ARHGEF11: variants seen among roughly 807,000 people sequenced by gnomAD.
The protein encoded by ARHGEF11 is Rho guanine nucleotide exchange factor 11.
ARHGEF11 carries 55 observed loss-of-function variants against 193.7 expected under a neutral mutation model. The observed-to-expected ratio is 0.28, with a 90% CI of 0.23 to 0.36. ARHGEF11 has a LOEUF of 0.36. ARHGEF11 is among the 10% of genes least tolerant of loss of function. The pLI is 1.00. For synonymous variants in ARHGEF11, 693 were observed against 768.0 expected (o/e 0.90, Z 1.62); for missense variants, 1,723 against 2,005.6 (o/e 0.86, Z 2.69).
intron 1 of ARHGEF11, among the ~76,000 whole-genome samples, chr1:157,017,523 T>C (rs1669405853): frequency 6.6e-6 from 1 of 151,860 alleles, no homozygotes; most frequent in Non-Finnish European, 1.5e-5. Context: ...CTGGCTAACA[T>C]GGTGAAACCT....
rs570498171 is a variant in ARHGEF11 at position 156,986,240 on chromosome 1, A to C, written c.33-67T>G. 3.6e-6 allele frequency: 5 copies of C among 1,376,742 alleles called. No individual in the cohort carries two copies. In the South Asian group the frequency reaches 6.0e-5, roughly 16 times the overall value. The allele number at this position is 1,376,742 out of a possible 1,614,324, so 85.3% of individuals were successfully genotyped here. On this transcript the variant is annotated intron_variant, in intron 1 of 40. Transcript: ENST00000368194. ...GGGGGATCAGCCTTGTAGTAGATGGAGGCTCTGTCAAAAGGGGCCCTGAGT... is the reference window on the plus strand; with the variant it reads ...GGGGGATCAGCCTTGTAGTAGATGGCGGCTCTGTCAAAAGGGGCCCTGAGT...
At position 156,936,728 on chromosome 1, in the gene ARHGEF11, C is replaced by T. The variant is rs192474134; in HGVS notation, c.4630+88G>A. On this transcript the variant is annotated intron_variant, in intron 40 of 40. Coordinates refer to ENST00000368194, the MANE Select transcript of ARHGEF11 (RefSeq NM_198236.3). ...AAGGGGAAACCACTCTCAGAACCACCATCTCTCACTGCTTAGTGATGTGTC... is the reference window on the plus strand; with the variant it reads ...AAGGGGAAACCACTCTCAGAACCACTATCTCTCACTGCTTAGTGATGTGTC... 8 of 1,416,226 alleles carry T rather than the reference C, an allele frequency of 5.6e-6. No individual in the cohort carries two copies. In the Admixed American group the frequency reaches 1.5e-4, roughly 27 times the overall value. 87.7% of individuals were successfully genotyped at this position (1,416,226 alleles called of 1,614,324 possible).
In ARHGEF11 at chr1:156,948,492, G is replaced by C. The variant is rs1217329616; in HGVS notation, c.1932C>G (p.Arg644=). 1 of 1,614,230 alleles carries C rather than the reference G, an allele frequency of 6.2e-7. No homozygotes were observed. The highest frequency in any genetic ancestry group is 1.1e-5 in the South Asian group (1 of 91,092). Residue 644 remains arginine, a synonymous_variant, in exon 23 of 41, where the codon CGC becomes CGG. Transcript: ENST00000368194. The surrounding 1 kb of genome is among the most constrained non-coding windows in gnomAD (Gnocchi z 4.2). ...CAGAGCGGCCCAGGCGAATCTCTGAGCGTGAACTGGGGGGAAGGGACAAAA... is the reference window on the plus strand; with the variant it reads ...CAGAGCGGCCCAGGCGAATCTCTGACCGTGAACTGGGGGGAAGGGACAAAA... ...PEDLLESDSS[R]SEIRLGRSES...
In ARHGEF11 at chr1:156,948,238, G is replaced by A. The variant is rs925170400; in HGVS notation, c.2106-10C>T. On this transcript the variant is annotated splice_polypyrimidine_tract_variant and intron_variant, in intron 23 of 40. Coordinates refer to ENST00000368194, the MANE Select transcript of ARHGEF11 (RefSeq NM_198236.3). This position sits in a 1 kb window ranked among gnomAD's most constrained non-coding sequence, Gnocchi z 4.2. ...TGGGTTCTCAAGAGACCTGTGGAGG[G>A]AATGTCAACTCTCAGCAACCCTCTA... The A allele has an allele frequency of 4.4e-6, 7 of 1,593,758 alleles. No individual in the cohort carries two copies. Among genetic ancestry groups the A allele is most frequent in the Non-Finnish European group, 5.1e-6 (6 of 1,166,588 alleles).
intron 1 of ARHGEF11, among the ~76,000 whole-genome samples, chr1:157,028,948 C>T (rs969956399): frequency 2.0e-5 from 3 of 151,984 alleles, no homozygotes; most frequent in Non-Finnish European, 2.9e-5. Flanking sequence ...GGGTGGAGTG[C>T]TTGAGTCCAG....
chr1:156,966,258 T>G (rs569741867), intron 11 of ARHGEF11, among the ~76,000 whole-genome samples: 2 of 152,344 alleles, frequency 1.3e-5, no homozygotes, highest in Admixed American at 1.3e-4. Context: ...ACTCAGTGAT[T>G]AACAGGCTCC....
intron 1 of ARHGEF11, among the ~76,000 whole-genome samples, chr1:157,012,864 C>T (rs1331855158): frequency 1.3e-5 from 2 of 152,118 alleles, no homozygotes; most frequent in African/African-American, 4.8e-5. Context: ...CATTTCTTGG[C>T]CATTCATTCA....
chr1:156,936,493 A>ATAT (rs1481502478), intron 40 of ARHGEF11, among the ~76,000 whole-genome samples: 111 of 62,340 alleles, frequency 1.8e-3, no homozygotes, highest in Non-Finnish European at 2.6e-3. Context: ...AAAAAAAAAA[A>ATAT]AAAAATATAT....
intron 10 of ARHGEF11, among the ~76,000 whole-genome samples, chr1:156,968,595 A>C (rs959822014): frequency 3.9e-5 from 6 of 152,250 alleles, no homozygotes; most frequent in South Asian, 2.1e-4. Context: ...TGGACAGGGC[A>C]GTAAGAAAAT....
At chr1:156,937,164 G>T in intron 39 of ARHGEF11, 85 bp downstream of exon 39, 1 of 1,591,308 alleles carries the variant, frequency 6.3e-7, no homozygotes, top group Admixed American at 1.7e-5. Context: ...TAGGGCTCCC[G>T]CGAAGACACA....
intron 1 of ARHGEF11, among the ~76,000 whole-genome samples, chr1:157,012,087 T>A (rs1009216273): frequency 2.0e-5 from 3 of 152,084 alleles, no homozygotes; most frequent in African/African-American, 7.2e-5. Context: ...CAAATGTCCA[T>A]CAACTGATTA....
chr1:156,938,893 GCCCACTCTTCCCGGGGTGGGGACCTT>G (rs1232590680), intron 37 of ARHGEF11: 6 of 223,566 alleles, frequency 2.7e-5, no homozygotes, highest in African/African-American at 9.2e-5. Flanking sequence ...TCTCAGACCA[GCCCACTCTTCCCGGGGTGGGGACCTT>G]CCTCCCTGGG....
intron 13 of ARHGEF11, 45 bp downstream of exon 13, chr1:156,963,158 C>T: frequency 6.8e-7 from 1 of 1,465,216 alleles, no homozygotes; most frequent in Non-Finnish European, 9.6e-7. Flanking sequence ...TCCTCTCTGC[C>T]CAGTACCAGC....
At chr1:156,968,758 T>C (rs966075824) in intron 10 of ARHGEF11, among the ~76,000 whole-genome samples, 7 of 152,260 alleles carry the variant, frequency 4.6e-5, no homozygotes, top group Non-Finnish European at 1.0e-4. Context: ...ATAGTTTACA[T>C]GTGCAAACTG....
intron 11 of ARHGEF11, among the ~76,000 whole-genome samples, chr1:156,967,159 G>GT (rs1661783503): frequency 1.3e-5 from 2 of 152,178 alleles, no homozygotes; most frequent in South Asian, 4.1e-4. Flanking sequence ...CATTTACAGT[G>GT]TATCATGATG....
chr1:157,046,555 A>G (rs1005060139), upstream of ARHGEF11, among the ~76,000 whole-genome samples: 9 of 151,996 alleles, frequency 5.9e-5, no homozygotes, highest in African/African-American at 2.2e-4. Context: ...TCCCACTTCT[A>G]ATACCACCGA....
intron 1 of ARHGEF11, among the ~76,000 whole-genome samples, chr1:157,021,426 T>C (rs1239969403): frequency 6.6e-6 from 1 of 152,142 alleles, no homozygotes; most frequent in East Asian, 1.9e-4. Flanking sequence ...ATCAAAATAA[T>C]AACCATCAAG....
At chr1:156,961,357 G>A (rs1660819018) in intron 14 of ARHGEF11, among the ~76,000 whole-genome samples, 1 of 152,186 alleles carries the variant, frequency 6.6e-6, no homozygotes, top group Non-Finnish European at 1.5e-5. Context: ...TGTTTCTTCG[G>A]CCTAGGGATG....
At chr1:156,937,666 C>T (rs2101755501) in intron 38 of ARHGEF11, among the ~76,000 whole-genome samples, 170 bp from the exon 39 acceptor site, 1 of 152,326 alleles carries the variant, frequency 6.6e-6, no homozygotes, top group South Asian at 2.1e-4. Context: ...CCTAAAAGCC[C>T]TGCTCCCGAG....
Sources: gnomAD v4.1 joint callset for allele counts (sites outside exome capture counted in the v4.1 genomes callset) on GRCh38, gnomAD v4.1.1 for gene constraint, Gnocchi (gnomAD v3.1) non-coding constraint, MANE v1.5 for transcripts, NCBI Gene and HGNC (gene_info 2026-07-23, HGNC 2026-07-21) for gene names.